The following FRMD4A variants were observed in gnomAD, a reference collection of about 807,000 sequenced individuals.
The protein encoded by FRMD4A is FERM domain containing 4A.
A neutral mutation model predicts 129.1 loss-of-function variants in FRMD4A; 29 were observed. That is an observed-to-expected ratio of 0.22 (90% CI 0.17 to 0.31). The LOEUF is 0.31. FRMD4A is among the 10% of genes least tolerant of loss of function. The pLI, the probability that FRMD4A is intolerant of heterozygous loss-of-function variation, is 1.00. For synonymous variants in FRMD4A, 634 were observed against 571.6 expected (o/e 1.11, Z -1.56); for missense variants, 1,272 against 1,375.8 (o/e 0.92, Z 1.19).
chr10:13,733,769 T>C (rs1366917287), intron 12 of FRMD4A, among the ~76,000 whole-genome samples: 1 of 152,190 alleles, frequency 6.6e-6, no homozygotes, highest in Non-Finnish European at 1.5e-5. Flanking sequence ...TACATTCATT[T>C]CTTAAGGAGG....
At chr10:13,835,412 T>C (rs951282089) in intron 3 of FRMD4A, among the ~76,000 whole-genome samples, 6 of 152,184 alleles carry the variant, frequency 3.9e-5, no homozygotes, top group African/African-American at 7.2e-5. Context: ...ATTACTGGAA[T>C]CTACAACCCC....
chr10:14,128,922 C>A (rs1166890339), intron 2 of FRMD4A, among the ~76,000 whole-genome samples: 1 of 152,116 alleles, frequency 6.6e-6, no homozygotes, highest in Non-Finnish European at 1.5e-5. Context: ...TGCACGGATG[C>A]ATGGATGGGT....
chr10:14,045,265 A>G (rs1233846416), intron 2 of FRMD4A, among the ~76,000 whole-genome samples: 1 of 152,084 alleles, frequency 6.6e-6, no homozygotes, highest in African/African-American at 2.4e-5. Flanking sequence ...CTCCTCCTTC[A>G]GCACACCTTT....
chr10:13,659,189 T>C, intron 21 of FRMD4A, 134 bp downstream of exon 21: 1 of 855,568 alleles, frequency 1.2e-6, no homozygotes, highest in South Asian at 1.5e-5. Context: ...GCTTGGTTTT[T>C]TATTCCGCTT....
intron 2 of FRMD4A, among the ~76,000 whole-genome samples, chr10:14,230,339 C>T (rs1358958597): frequency 6.6e-6 from 1 of 152,142 alleles, no homozygotes; most frequent in African/African-American, 2.4e-5. Flanking sequence ...AGGTTCAACT[C>T]CATTAAGTAC....
At chr10:14,021,215 G>A (rs1832729455) in intron 2 of FRMD4A, among the ~76,000 whole-genome samples, 1 of 151,966 alleles carries the variant, frequency 6.6e-6, no homozygotes, top group Admixed American at 6.6e-5. Flanking sequence ...AGGTGGGGAA[G>A]CTATACAGAA....
intron 15 of FRMD4A, chr10:13,693,473 G>T (rs2085917604): frequency 1.8e-6 from 2 of 1,127,978 alleles, no homozygotes; most frequent in South Asian, 3.7e-5. Context: ...AAAAGCCGGA[G>T]AAACCCACCT....
intron 12 of FRMD4A, among the ~76,000 whole-genome samples, chr10:13,733,445 T>TG (rs1187730263): frequency 1.3e-5 from 2 of 152,262 alleles, no homozygotes; most frequent in Non-Finnish European, 2.9e-5. Flanking sequence ...GGCCTGGTTT[T>TG]TTTTTTGGAG....
At chr10:13,874,750 G>A (rs970851858) in intron 2 of FRMD4A, among the ~76,000 whole-genome samples, 1 of 152,182 alleles carries the variant, frequency 6.6e-6, no homozygotes, top group Non-Finnish European at 1.5e-5. Context: ...CGAAACAAGA[G>A]AAATAGAATA....
chr10:14,284,881 T>C lies in FRMD4A; in HGVS notation c.45+45177A>G, dbSNP rs112006737. On this transcript the variant is annotated intron_variant, in intron 2 of 24. Coordinates refer to ENST00000357447, the MANE Select transcript of FRMD4A (RefSeq NM_018027.5). ...GGTCCCACTCAAATGCTTCTTCCTC[T>C]GGGAAGTCTTCTCTTATACCCGCAG... Among the ~76,000 whole-genome samples the C allele has an allele frequency of 9.6e-3, 1,464 of 152,296 alleles. 26 individuals carry two copies. Among genetic ancestry groups the C allele is most frequent in the African/African-American group, 0.034 (1,398 of 41,550 alleles).
chr10:13,714,020 A>AAAATATATAATATAT lies in FRMD4A; in HGVS notation c.760-6908_760-6907insATATATTATATATTT, dbSNP rs2088425592. Among the ~76,000 whole-genome samples, 2 of 422 alleles carry AAAATATATAATATAT rather than the reference A, an allele frequency of 4.7e-3. 1 individual carries two copies. The highest frequency in any genetic ancestry group is 6.0e-3 in the African/African-American group (2 of 334). 0.3% of individuals were successfully genotyped at this position (422 alleles called of 152,430 possible). On this transcript the variant is annotated intron_variant, in intron 12 of 24. Transcript: ENST00000357447. ...TATACATATATAATATACATATATA[A>AAAATATATAATATAT]AATATACATATATATATATATATAT...
chr10:14,188,298 T>C (rs191171683), intron 2 of FRMD4A, among the ~76,000 whole-genome samples: 43 of 152,218 alleles, frequency 2.8e-4, no homozygotes, highest in African/African-American at 1.0e-3. Context: ...CTTTGTGTGG[T>C]TTGGTTGCTT....
intron 2 of FRMD4A, among the ~76,000 whole-genome samples, chr10:14,145,064 G>T (rs944994808): frequency 1.3e-5 from 2 of 152,198 alleles, no homozygotes; most frequent in Admixed American, 1.3e-4. Flanking sequence ...GGTTTTCTGG[G>T]TGACTTGGAG....
At position 13,717,692 on chromosome 10, in the gene FRMD4A, G is replaced by GTTTTT. The variant is rs35059886; in HGVS notation, c.760-10584_760-10580dup. On this transcript the variant is annotated intron_variant, in intron 12 of 24. Transcript: ENST00000357447. ...CTTTAGGGAGAAACCTGTTGTTCTTGTTTTTTTTTTTTTTTTTTCCAGGGG... is the reference window on the plus strand; with the variant it reads ...CTTTAGGGAGAAACCTGTTGTTCTTGTTTTTTTTTTTTTTTTTTTTTTTCCAGGGG... Among the ~76,000 whole-genome samples, 13 of 95,248 alleles carry GTTTTT rather than the reference G, an allele frequency of 1.4e-4. No homozygotes were observed. The South Asian group carries it at 4.6e-3, about 34-fold the overall frequency. The allele number at this position is 95,248 out of a possible 152,430, so 62.5% of individuals were successfully genotyped here. A position where few individuals can be genotyped will look rare whatever the true frequency, so the allele number is the denominator to read the frequency against.
At chr10:13,675,190 C>G (rs923047753) in intron 15 of FRMD4A, 146 bp from the exon 16 acceptor site, 7 of 614,436 alleles carry the variant, frequency 1.1e-5, no homozygotes, top group Non-Finnish European at 2.0e-5. Flanking sequence ...GCTCAGCACT[C>G]TAACTGTGAG....
At chr10:13,673,759 G>A (rs922954554) in intron 16 of FRMD4A, among the ~76,000 whole-genome samples, 7 of 144,490 alleles carry the variant, frequency 4.8e-5, no homozygotes, top group Admixed American at 6.9e-5. Flanking sequence ...ATAGGGTCGA[G>A]AAAGCATTGC....
intron 15 of FRMD4A, among the ~76,000 whole-genome samples, chr10:13,690,693 A>G (rs529324527): frequency 6.6e-6 from 1 of 152,298 alleles, no homozygotes; most frequent in Non-Finnish European, 1.5e-5. Flanking sequence ...GCAGCTGCAG[A>G]AAGGGCTGAG....
chr10:13,885,412 C>T (rs2094607719), intron 2 of FRMD4A, among the ~76,000 whole-genome samples: 1 of 152,166 alleles, frequency 6.6e-6, no homozygotes, highest in South Asian at 2.1e-4. Context: ...GCCATCCTCC[C>T]CTCTCTGTTT....
chr10:13,727,426 T>G (rs2089976663), intron 12 of FRMD4A, among the ~76,000 whole-genome samples: 1 of 152,174 alleles, frequency 6.6e-6, no homozygotes, highest in African/African-American at 2.4e-5. Flanking sequence ...ATCTAATGAT[T>G]GGTTAATGCT....
Sources: gnomAD v4.1 joint callset for allele counts (sites outside exome capture counted in the v4.1 genomes callset) on GRCh38, gnomAD v4.1.1 for gene constraint, MANE v1.5 for transcripts, NCBI Gene and HGNC (gene_info 2026-07-23, HGNC 2026-07-21) for gene names.